Variants in KHDRBS2 observed in about 807,000 individuals in gnomAD.
The protein encoded by KHDRBS2 is KH RNA binding domain containing, signal transduction associated 2, also known as KH domain-containing, RNA-binding, signal transduction-associated protein 2.
In KHDRBS2, 26 loss-of-function variants were observed where a neutral mutation model predicts 44.3. The ratio of observed to expected loss-of-function variants is 0.59; its 90% CI spans 0.43 to 0.81. KHDRBS2 has a LOEUF of 0.81. Ranked by LOEUF, KHDRBS2 falls within the 40% of genes least tolerant of loss-of-function variation. KHDRBS2 has a pLI of 0.00. For missense variants in KHDRBS2, 476 were observed against 433.1 expected, an observed-to-expected ratio of 1.10 and a Z score of -0.88; for synonymous variants, 194 against 151.1, an observed-to-expected ratio of 1.28 and a Z score of -2.08.
the KHDRBS2 span, among the ~76,000 whole-genome samples, chr6:61,609,906 G>C: frequency 1.3e-5 from 2 of 152,138 alleles, no homozygotes; most frequent in Admixed American, 1.3e-4. Flanking sequence ...GGGTGCGGTG[G>C]CTCACGCCTA....
intron 6 of KHDRBS2, among the ~76,000 whole-genome samples, chr6:61,885,824 T>C (rs79549101): frequency 6.6e-6 from 1 of 152,008 alleles, no homozygotes; most frequent in South Asian, 2.1e-4. Context: ...GGGAGCTTCT[T>C]TAGCATCAAA....
At chr6:62,130,545 A>G (rs894654512) in intron 2 of KHDRBS2, among the ~76,000 whole-genome samples, 4 of 150,888 alleles carry the variant, frequency 2.7e-5, no homozygotes, top group Admixed American at 2.6e-4. Context: ...TTATAAAGAA[A>G]CTTTTATTAA....
the KHDRBS2 span, chr6:61,630,422 T>G: frequency 6.6e-6 from 1 of 152,178 alleles, no homozygotes; most frequent in African/African-American, 2.4e-5. Context: ...TGGCTGCATT[T>G]TGGTGAAGGC....
At chr6:61,908,874 G>T (rs1031088829) in intron 4 of KHDRBS2, among the ~76,000 whole-genome samples, 2 of 152,032 alleles carry the variant, frequency 1.3e-5, no homozygotes, top group Non-Finnish European at 2.9e-5. Flanking sequence ...ATGCTTTACT[G>T]TTTTGGCATA....
chr6:61,689,749 G>A (rs1020628837), intron 8 of KHDRBS2, among the ~76,000 whole-genome samples: 20 of 151,890 alleles, frequency 1.3e-4, no homozygotes, highest in African/African-American at 1.9e-4. Context: ...GTCTTTGTTC[G>A]TCTATTTTCT....
At position 61,901,337 on chromosome 6, in the gene KHDRBS2, C is replaced by T. The variant is rs1346437128; in HGVS notation, c.518G>A (p.Arg173His). The change falls in exon 5 of 9, where the codon CGT becomes CAT. Residue 173 changes from arginine to histidine, a missense_variant. By Grantham distance (29) the Arg-to-His change is conservative. Coordinates refer to ENST00000281156, the MANE Select transcript of KHDRBS2 (RefSeq NM_152688.4). ...YNDEIRQEQL[R>H]ELSYLNGSED... ...TGAGCCATTTAAGTAAGATAATTCA[C>T]GTAGTTGTTCCTGACGAATTTCATC... 5.6e-6 allele frequency: 9 copies of T among 1,612,442 alleles called. No individual in the cohort carries two copies. Among genetic ancestry groups the T allele is most frequent in the Non-Finnish European group, 7.6e-6 (9 of 1,179,264 alleles).
chr6:62,088,072 T>G (rs1798752703), intron 2 of KHDRBS2, among the ~76,000 whole-genome samples: 1 of 152,200 alleles, frequency 6.6e-6, no homozygotes, highest in Admixed American at 6.5e-5. Context: ...TCTAAACTGG[T>G]TATTCTAGTT....
intron 6 of KHDRBS2, among the ~76,000 whole-genome samples, chr6:61,757,429 A>G (rs913468703): frequency 3.3e-5 from 5 of 152,118 alleles, no homozygotes; most frequent in African/African-American, 1.2e-4. Flanking sequence ...TAGTAGGTAT[A>G]CTTTTTTGCA....
At chr6:61,999,866 T>C (rs1777898476) in intron 3 of KHDRBS2, among the ~76,000 whole-genome samples, 1 of 152,126 alleles carries the variant, frequency 6.6e-6, no homozygotes, top group South Asian at 2.1e-4. Flanking sequence ...TAGAGCATCA[T>C]TATTAAAATC....
In KHDRBS2 at chr6:61,894,596, T is replaced by A. The variant is rs772924376; in HGVS notation, c.810+39A>T. 34 of 1,529,904 alleles carry A rather than the reference T, an allele frequency of 2.2e-5. No homozygotes were observed. The African/African-American group carries it at 4.7e-4, about 21-fold the overall frequency. 94.8% of individuals were successfully genotyped at this position (1,529,904 alleles called of 1,614,324 possible). ...AGACGTAGCTTGTTAACTAATCAAT[T>A]TAACTCATCCTTACAACTTATTTCT... is the stretch of plus-strand genomic sequence containing the variant. On this transcript the variant is annotated intron_variant, in intron 6 of 8. Transcript: ENST00000281156.
At chr6:62,023,934 T>C (rs901137832) in intron 3 of KHDRBS2, among the ~76,000 whole-genome samples, 2 of 151,272 alleles carry the variant, frequency 1.3e-5, no homozygotes, top group African/African-American at 4.8e-5. Context: ...TACCATTTTT[T>C]AAACATCTAT....
intron 1 of KHDRBS2, among the ~76,000 whole-genome samples, chr6:62,195,740 C>G (rs1264066293): frequency 6.6e-6 from 1 of 151,900 alleles, no homozygotes; most frequent in African/African-American, 2.4e-5. Context: ...TGTGCATAGT[C>G]CAGCTAAAAA....
chr6:61,576,332 A>AT, the KHDRBS2 span, among the ~76,000 whole-genome samples: 14 of 151,954 alleles, frequency 9.2e-5, no homozygotes, highest in East Asian at 1.2e-3. Flanking sequence ...AGGTATATAT[A>AT]TTTTTTGTAG....
the KHDRBS2 span, among the ~76,000 whole-genome samples, chr6:61,554,164 T>C: frequency 6.6e-6 from 1 of 152,190 alleles, no homozygotes; most frequent in African/African-American, 2.4e-5. Flanking sequence ...AGAACTTGCT[T>C]TATGAATCTG....
intron 6 of KHDRBS2, among the ~76,000 whole-genome samples, chr6:61,886,691 G>T (rs1198151701): frequency 6.6e-6 from 1 of 152,096 alleles, no homozygotes; most frequent in Non-Finnish European, 1.5e-5. Flanking sequence ...CTGCCTTTAG[G>T]ATGTATAAAA....
chr6:61,779,112 C>G (rs1262432251), intron 6 of KHDRBS2, among the ~76,000 whole-genome samples: 1 of 152,148 alleles, frequency 6.6e-6, no homozygotes, highest in Non-Finnish European at 1.5e-5. Flanking sequence ...ATCCTCCCAT[C>G]ATGCCATACA....
At chr6:62,285,467 C>A (rs1251046754) in intron 1 of KHDRBS2, among the ~76,000 whole-genome samples, 3 of 152,034 alleles carry the variant, frequency 2.0e-5, no homozygotes, top group Non-Finnish European at 2.9e-5. Flanking sequence ...ATAAAAATAC[C>A]GATCTGTAGC....
the KHDRBS2 span, among the ~76,000 whole-genome samples, chr6:61,546,897 A>AT: frequency 6.6e-6 from 1 of 152,020 alleles, no homozygotes; most frequent in African/African-American, 2.4e-5. Flanking sequence ...TCATTCATTC[A>AT]TCCATTTTCC....
chr6:62,060,623 C>CTA (rs1360942410), intron 2 of KHDRBS2, among the ~76,000 whole-genome samples: 3 of 149,702 alleles, frequency 2.0e-5, no homozygotes, highest in African/African-American at 4.9e-5. Flanking sequence ...CTCTCTCTCT[C>CTA]TCTCTCTCTC....
Sources: allele counts gnomAD v4.1 joint callset (sites outside exome capture counted in the v4.1 genomes callset), GRCh38; gene constraint gnomAD v4.1.1; transcripts MANE v1.5; gene names NCBI Gene and HGNC (gene_info 2026-07-23, HGNC 2026-07-21).